The following MGLL variants were observed in gnomAD, a reference collection of about 807,000 sequenced individuals.
MGLL encodes lysophospholipase homolog.
In MGLL, 7 loss-of-function variants were observed where a neutral mutation model predicts 29.1. That is an observed-to-expected ratio of 0.24 (90% CI 0.14 to 0.45). The LOEUF (loss-of-function observed/expected upper bound fraction) is 0.45. Ranked by LOEUF, MGLL falls within the 20% of genes least tolerant of loss-of-function variation. The pLI is 0.99. For synonymous variants in MGLL, 148 were observed against 168.3 expected (o/e 0.88, Z 0.93); for missense variants, 356 against 413.6 (o/e 0.86, Z 1.21).
At chr3:127,777,245 C>CTGAAATATCG in intron 3 of MGLL, among the ~76,000 whole-genome samples, 1 of 152,138 alleles carries the variant, frequency 6.6e-6, no homozygotes. Flanking sequence ...AAAGGAAATC[C>CTGAAATATCG]TGTGAGTGAG....
chr3:127,751,201 C>A (rs1290491683), intron 3 of MGLL, among the ~76,000 whole-genome samples: 1 of 152,124 alleles, frequency 6.6e-6, no homozygotes, highest in South Asian at 2.1e-4. Flanking sequence ...CTCGGTCATT[C>A]GGTAGGCTGA....
intron 3 of MGLL, among the ~76,000 whole-genome samples, chr3:127,768,970 C>T (rs1243250389): frequency 6.6e-6 from 1 of 152,226 alleles, no homozygotes; most frequent in East Asian, 1.9e-4. Flanking sequence ...ACTTTGAGAA[C>T]CACTACCATA....
chr3:127,808,390 C>T (rs940415899), intron 2 of MGLL, among the ~76,000 whole-genome samples: 3 of 152,210 alleles, frequency 2.0e-5, no homozygotes, highest in Admixed American at 1.3e-4. Context: ...AGGGTTCACA[C>T]TTCTAGAGTC....
intron 2 of MGLL, among the ~76,000 whole-genome samples, chr3:127,808,878 C>G (rs2077612459): frequency 6.6e-6 from 1 of 152,238 alleles, no homozygotes; most frequent in Non-Finnish European, 1.5e-5. Context: ...AGCCCAAACA[C>G]TCACCACCAT....
chr3:127,765,743 G>C (rs1429940861), intron 3 of MGLL, among the ~76,000 whole-genome samples: 2 of 152,206 alleles, frequency 1.3e-5, no homozygotes, highest in African/African-American at 4.8e-5. Context: ...GAGTGTTCCC[G>C]CAGGAACGGC....
chr3:127,758,395 C>T (rs2076701397), intron 3 of MGLL, among the ~76,000 whole-genome samples: 2 of 152,362 alleles, frequency 1.3e-5, no homozygotes, highest in South Asian at 2.1e-4. Flanking sequence ...GTGCCCAGCA[C>T]CATGCCTGGA....
At chr3:127,819,024 G>A (rs1247445481) in intron 2 of MGLL, among the ~76,000 whole-genome samples, 3 of 152,188 alleles carry the variant, frequency 2.0e-5, no homozygotes, top group African/African-American at 2.4e-5. Flanking sequence ...GATGAAATAC[G>A]GAGACTCTGG....
rs113141367 is a variant in MGLL, at chr3:127,714,378, C to T, written c.511-3713G>A. The stretch of plus-strand genomic sequence containing the variant: ...CATGCATCCAGCTGAGCGCTGGCTG[C>T]CCAAGGACGGAAGGGACAAGCAGCC... On this transcript the variant is annotated intron_variant, in intron 5 of 7. Coordinates refer to ENST00000265052, the MANE Select transcript of MGLL (RefSeq NM_007283.7). Among the ~76,000 whole-genome samples, 59 of 152,298 alleles carry T rather than the reference C, an allele frequency of 3.9e-4. 1 individual carries two copies. The highest frequency in any genetic ancestry group is 1.3e-3 in the African/African-American group (56 of 41,564).
intron 3 of MGLL, among the ~76,000 whole-genome samples, chr3:127,751,392 G>A (rs557105254): frequency 2.1e-3 from 318 of 151,396 alleles, no homozygotes; most frequent in African/African-American, 7.4e-3. Context: ...AAGGTCTTGC[G>A]TCTTCTGCTT....
chr3:127,717,126 T>C (rs1047299425), intron 5 of MGLL, among the ~76,000 whole-genome samples: 1 of 152,204 alleles, frequency 6.6e-6, no homozygotes, highest in Admixed American at 6.5e-5. Context: ...CGGCAGCTCA[T>C]TGCTGCTGCC....
At chr3:127,820,332 A>C (rs1158958527) in intron 2 of MGLL, among the ~76,000 whole-genome samples, 1 of 152,146 alleles carries the variant, frequency 6.6e-6, no homozygotes, top group African/African-American at 2.4e-5. Flanking sequence ...CCGCAGGCGA[A>C]GGGAGGGCAG....
intron 2 of MGLL, among the ~76,000 whole-genome samples, chr3:127,785,424 G>T (rs140124019): frequency 6.6e-6 from 1 of 152,238 alleles, no homozygotes; most frequent in Non-Finnish European, 1.5e-5. Flanking sequence ...CTGGATGCTG[G>T]GCACTGTGTG....
chr3:127,714,450 G>A (rs1030604402), intron 5 of MGLL, among the ~76,000 whole-genome samples: 1 of 152,244 alleles, frequency 6.6e-6, no homozygotes, highest in Non-Finnish European at 1.5e-5. Context: ...TCAGGATGAG[G>A]GAATGTGCCT....
At chr3:127,767,078 A>AAC (rs1559956401) in intron 3 of MGLL, among the ~76,000 whole-genome samples, 16 of 151,844 alleles carry the variant, frequency 1.1e-4, no homozygotes, top group African/African-American at 3.6e-4. Flanking sequence ...ATCAAAAAAA[A>AAC]AAACAAAAAA....
At chr3:127,742,589 C>CAAAAAAAAAAAA (rs60743176) in intron 3 of MGLL, among the ~76,000 whole-genome samples, 1 of 70,498 alleles carries the variant, frequency 1.4e-5, no homozygotes, top group Non-Finnish European at 2.5e-5. Context: ...GACTCCGTCC[C>CAAAAAAAAAAAA]AAAAAAAAAA....
chr3:127,782,537 G>A (rs1447429167), intron 2 of MGLL, among the ~76,000 whole-genome samples: 1 of 152,186 alleles, frequency 6.6e-6, no homozygotes, highest in East Asian at 1.9e-4. Flanking sequence ...CAATGGCCCA[G>A]GCAGAGTGCT....
chr3:127,721,668 T>C (rs954428436), intron 4 of MGLL, among the ~76,000 whole-genome samples: 1 of 152,168 alleles, frequency 6.6e-6, no homozygotes, highest in African/African-American at 2.4e-5. Context: ...CCTCACCTGT[T>C]TGCTGAAGCA....
At chr3:127,816,050 C>T (rs909885375) in intron 2 of MGLL, among the ~76,000 whole-genome samples, 4 of 152,218 alleles carry the variant, frequency 2.6e-5, no homozygotes, top group Non-Finnish European at 5.9e-5. Context: ...CGTCCTCACC[C>T]CTGCAGAGAC....
intron 3 of MGLL, among the ~76,000 whole-genome samples, chr3:127,753,649 T>A (rs1038012461): frequency 6.6e-6 from 1 of 152,254 alleles, no homozygotes; most frequent in Non-Finnish European, 1.5e-5. Flanking sequence ...ACAGACAGCA[T>A]AACCTCTGTG....
Sources: gnomAD v4.1 joint callset for allele counts (sites outside exome capture counted in the v4.1 genomes callset) on GRCh38, gnomAD v4.1.1 for gene constraint, MANE v1.5 for transcripts, NCBI Gene and HGNC (gene_info 2026-07-23, HGNC 2026-07-21) for gene names.